Variants in RIMS1 observed in about 807,000 individuals in gnomAD.
RIMS1 encodes regulating synaptic membrane exocytosis 1, also known as regulating synaptic membrane exocytosis protein 1.
Under a neutral mutation model 214.1 loss-of-function variants are expected in RIMS1, and 83 were observed. That is an observed-to-expected ratio of 0.39 (90% CI 0.32 to 0.47). The LOEUF (loss-of-function observed/expected upper bound fraction) is 0.47. Among genes scored for constraint, RIMS1 ranks in the 20% least tolerant of loss-of-function variants. The pLI is 0.99. For missense variants in RIMS1, 2,050 were observed against 2,161.8 expected, an observed-to-expected ratio of 0.95 and a Z score of 1.03; for synonymous variants, 793 against 786.8, an observed-to-expected ratio of 1.01 and a Z score of -0.13.
At chr6:72,205,635 C>G (rs1238525921) in intron 6 of RIMS1, among the ~76,000 whole-genome samples, 1 of 152,044 alleles carries the variant, frequency 6.6e-6, no homozygotes, top group African/African-American at 2.4e-5. Context: ...GTCAACTTGT[C>G]AAATTTATTT....
chr6:72,356,689 G>A (rs892116877), intron 29 of RIMS1, among the ~76,000 whole-genome samples: 9 of 151,994 alleles, frequency 5.9e-5, no homozygotes, highest in African/African-American at 2.2e-4. Context: ...GAACCCCAGA[G>A]GCAGAGGTTG....
intron 4 of RIMS1, among the ~76,000 whole-genome samples, chr6:72,152,838 GTATATAT>G: frequency 4.8e-5 from 1 of 20,874 alleles, no homozygotes; most frequent in Non-Finnish European, 7.7e-5. Context: ...GTATATATAT[GTATATAT>G]GGAATATATG....
intron 1 of RIMS1, among the ~76,000 whole-genome samples, chr6:71,889,136 A>G (rs910570455): frequency 3.9e-5 from 6 of 152,162 alleles, no homozygotes; most frequent in African/African-American, 1.4e-4. Flanking sequence ...AGTGGAAAAT[A>G]TAGGCTGCTG....
At chr6:72,247,688 C>G (rs2070828181) in intron 11 of RIMS1, among the ~76,000 whole-genome samples, 1 of 152,022 alleles carries the variant, frequency 6.6e-6, no homozygotes, top group Non-Finnish European at 1.5e-5. Context: ...GATCCATTAG[C>G]CAAGATAATT....
chr6:72,096,789 C>A (rs1239652380), intron 2 of RIMS1, among the ~76,000 whole-genome samples, 160 bp from the exon 3 acceptor site: 2 of 152,142 alleles, frequency 1.3e-5, no homozygotes, highest in African/African-American at 4.8e-5. Flanking sequence ...ACATATCCTA[C>A]CTTTGAAGGT....
intron 1 of RIMS1, among the ~76,000 whole-genome samples, chr6:71,949,897 C>G (rs1788935242): frequency 6.6e-6 from 1 of 152,096 alleles, no homozygotes; most frequent in Admixed American, 6.6e-5. Flanking sequence ...TATGCCTTCA[C>G]AAAGACATGG....
intron 6 of RIMS1, among the ~76,000 whole-genome samples, chr6:72,185,649 A>G (rs1382549827): frequency 6.6e-6 from 1 of 152,240 alleles, no homozygotes; most frequent in Non-Finnish European, 1.5e-5. Context: ...GACTTCTTTT[A>G]CCACATGGAT....
At chr6:72,312,996 C>A (rs2095588507) in intron 27 of RIMS1, among the ~76,000 whole-genome samples, 2 of 151,922 alleles carry the variant, frequency 1.3e-5, no homozygotes, top group Admixed American at 1.3e-4. Context: ...AGTTGAGCAT[C>A]CTAATCTGAA....
At chr6:72,304,216 C>A (rs1015726617) in intron 26 of RIMS1, among the ~76,000 whole-genome samples, 5 of 151,416 alleles carry the variant, frequency 3.3e-5, no homozygotes, top group African/African-American at 1.2e-4. Context: ...CAGAATGTTC[C>A]TAAAATGTGA....
chr6:72,262,816 A>G (rs1273404649), intron 19 of RIMS1: 5 of 725,572 alleles, frequency 6.9e-6, no homozygotes, highest in Non-Finnish European at 8.4e-6. Context: ...ACATCATACC[A>G]TGTTCACTTA....
Position 72,402,967 on chromosome 6 carries a change from C to T in RIMS1, c.*2253C>T, listed in dbSNP as rs2098843851. 1 of 152,392 alleles carries T rather than the reference C, an allele frequency of 6.6e-6. No individual in the cohort carries two copies. The highest frequency in any genetic ancestry group is 1.5e-5 in the Non-Finnish European group (1 of 68,012). The allele number at this position is 152,392 out of a possible 1,614,324, so 9.4% of individuals were successfully genotyped here. ...CACTATATTATGTCTTAATCGATGGCCCAAAGGGTACTTTGCATCACATAC... is the reference window on the plus strand; with the variant it reads ...CACTATATTATGTCTTAATCGATGGTCCAAAGGGTACTTTGCATCACATAC... On this transcript the variant is annotated 3_prime_UTR_variant, in exon 34 of 34. Transcript: ENST00000521978.
intron 4 of RIMS1, among the ~76,000 whole-genome samples, chr6:72,110,519 A>G (rs1461732123): frequency 2.0e-5 from 3 of 149,484 alleles, no homozygotes; most frequent in Non-Finnish European, 1.5e-5. Context: ...TTATTGGTGT[A>G]TAAGAATGCT....
chr6:72,233,674 T>C, intron 6 of RIMS1, 99 bp from the exon 7 acceptor site: 1 of 878,402 alleles, frequency 1.1e-6, no homozygotes, highest in Non-Finnish European at 1.9e-6. Flanking sequence ...CTCAAGCTTA[T>C]GATATTAAAA....
At position 72,163,130 on chromosome 6, in the gene RIMS1, T is replaced by C. The variant is rs1419191763; in HGVS notation, c.472-16445T>C. On this transcript the variant is annotated intron_variant, in intron 4 of 33. Transcript: ENST00000521978. ...TCTAATCTTCTCTTCTCACTTCATT[T>C]CATTTCATCTTCCATCACTGATACC... 1.4e-5 allele frequency among the ~76,000 whole-genome samples: 2 copies of C among 140,094 alleles called. 1 individual carries two copies. The highest frequency in any genetic ancestry group is 4.9e-5 in the African/African-American group (2 of 40,586). The allele number at this position is 140,094 out of a possible 152,430, so 91.9% of individuals were successfully genotyped here. A position where few individuals can be genotyped will look rare whatever the true frequency, so the allele number is the denominator to read the frequency against.
intron 2 of RIMS1, among the ~76,000 whole-genome samples, chr6:71,993,629 C>T (rs139045628): frequency 4.5e-4 from 69 of 152,322 alleles, no homozygotes; most frequent in Middle Eastern, 6.8e-3. Flanking sequence ...AAAGCAACAG[C>T]AATCCAGGTG....
chr6:72,251,428 A>G, intron 15 of RIMS1, 60 bp downstream of exon 15: 1 of 1,240,950 alleles, frequency 8.1e-7, no homozygotes, highest in South Asian at 1.8e-5. Context: ...CTAATTAGTG[A>G]TTAATAATTC....
chr6:72,105,115 G>A (rs149927392), intron 4 of RIMS1, among the ~76,000 whole-genome samples: 2 of 152,016 alleles, frequency 1.3e-5, no homozygotes, highest in African/African-American at 4.8e-5. Context: ...TTAAATTTTT[G>A]TAGTTATAGG....
At chr6:72,196,682 T>C (rs2051035315) in intron 6 of RIMS1, among the ~76,000 whole-genome samples, 1 of 150,308 alleles carries the variant, frequency 6.7e-6, no homozygotes, top group Non-Finnish European at 1.5e-5. Flanking sequence ...TCTTACTCCA[T>C]GAGACTCCCA....
intron 1 of RIMS1, among the ~76,000 whole-genome samples, chr6:71,946,161 T>C (rs1787750205): frequency 6.6e-6 from 1 of 152,132 alleles, no homozygotes; most frequent in Admixed American, 6.5e-5. Context: ...ATCTATGAAA[T>C]TGAAGAAAAC....
Sources: allele counts gnomAD v4.1 joint callset (sites outside exome capture counted in the v4.1 genomes callset), GRCh38; gene constraint gnomAD v4.1.1; transcripts MANE v1.5; gene names NCBI Gene and HGNC (gene_info 2026-07-23, HGNC 2026-07-21).